TMEM156: variants seen among roughly 807,000 people sequenced by gnomAD.
The protein encoded by TMEM156 is transmembrane protein 156.
In TMEM156, 28 loss-of-function variants were observed where a neutral mutation model predicts 30.5. The ratio of observed to expected loss-of-function variants is 0.92; its 90% CI spans 0.68 to 1.26. The LOEUF (loss-of-function observed/expected upper bound fraction) is 1.26. Among genes scored for constraint, TMEM156 ranks in the 50% most tolerant of loss-of-function variants. TMEM156 has a pLI of 0.00. For missense variants in TMEM156, 351 were observed against 340.6 expected, an observed-to-expected ratio of 1.03 and a Z score of -0.24; for synonymous variants, 137 against 119.9, an observed-to-expected ratio of 1.14 and a Z score of -0.93.
At chr4:38,969,194 C>G (rs1722482998) in intron 6 of TMEM156, among the ~76,000 whole-genome samples, 1 of 152,146 alleles carries the variant, frequency 6.6e-6, no homozygotes, top group South Asian at 2.1e-4. Flanking sequence ...ACCCTTTAAC[C>G]CATTTCCCTT....
At chr4:38,989,886 A>G (rs1282510650) in intron 3 of TMEM156, among the ~76,000 whole-genome samples, 1 of 151,516 alleles carries the variant, frequency 6.6e-6, no homozygotes, top group Non-Finnish European at 1.5e-5. Flanking sequence ...CACAACCTCC[A>G]CTTCCCGGGT....
intron 1 of TMEM156, among the ~76,000 whole-genome samples, chr4:39,001,941 C>G (rs1713392672): frequency 7.0e-6 from 1 of 142,218 alleles, no homozygotes; most frequent in African/African-American, 2.5e-5. Flanking sequence ...TAGAAGAAAA[C>G]CTAGGCTTTA....
chr4:38,981,996 G>T (rs1346957345), intron 5 of TMEM156, among the ~76,000 whole-genome samples: 1 of 152,208 alleles, frequency 6.6e-6, no homozygotes, highest in Non-Finnish European at 1.5e-5. Flanking sequence ...GCGAAGTATT[G>T]TTCCTGGATG....
intron 1 of TMEM156, among the ~76,000 whole-genome samples, chr4:39,025,445 T>C (rs1383019547): frequency 6.6e-6 from 1 of 151,976 alleles, no homozygotes; most frequent in African/African-American, 2.4e-5. Flanking sequence ...GGCCAATCAT[T>C]GAAGGCTCTC....
intron 4 of TMEM156, among the ~76,000 whole-genome samples, chr4:38,988,586 G>T (rs1016331537): frequency 1.3e-5 from 2 of 152,024 alleles, no homozygotes; most frequent in Admixed American, 6.6e-5. Context: ...CCTCACTTCC[G>T]CTAAGCCCTG....
At chr4:38,974,917 C>T (rs1313715782) in intron 5 of TMEM156, among the ~76,000 whole-genome samples, 1 of 152,066 alleles carries the variant, frequency 6.6e-6, no homozygotes, top group Admixed American at 6.6e-5. Context: ...AGGTGAACCG[C>T]CCACCTCGGC....
chr4:38,997,508 A>C (rs1375978172), intron 2 of TMEM156, among the ~76,000 whole-genome samples: 1 of 152,346 alleles, frequency 6.6e-6, no homozygotes, highest in East Asian at 1.9e-4. Context: ...AATGCCAAGA[A>C]ATTATGTTCC....
At chr4:39,028,782 A>G (rs888993455) in intron 1 of TMEM156, among the ~76,000 whole-genome samples, 1 of 152,238 alleles carries the variant, frequency 6.6e-6, no homozygotes, top group Non-Finnish European at 1.5e-5. Flanking sequence ...TCCCTTTTGT[A>G]TCTCCATTAT....
intron 6 of TMEM156, among the ~76,000 whole-genome samples, chr4:38,970,198 G>A (rs1444121116): frequency 6.6e-6 from 1 of 151,776 alleles, no homozygotes; most frequent in Non-Finnish European, 1.5e-5. Context: ...CTCTGTCTCT[G>A]TCTCTCTGGG....
intron 5 of TMEM156, among the ~76,000 whole-genome samples, chr4:38,982,590 C>T (rs141867982): frequency 4.8e-4 from 73 of 152,148 alleles, no homozygotes; most frequent in African/African-American, 1.6e-3. Context: ...TGAGGGTTTG[C>T]GAGATTTAAT....
intron 3 of TMEM156, among the ~76,000 whole-genome samples, chr4:38,992,668 ATATATATAATATATTATATAATATAT>A (rs1184047410): frequency 0.29 from 30,193 of 105,868 alleles, 4,030 homozygotes; most frequent in East Asian, 0.55. Context: ...TGTGCTACAT[ATATATATAATATATTATATAATATAT>A]TATATAATAT....
intron 1 of TMEM156, among the ~76,000 whole-genome samples, chr4:39,023,845 C>T (rs1235962697): frequency 1.3e-5 from 2 of 151,862 alleles, no homozygotes; most frequent in African/African-American, 2.4e-5. Flanking sequence ...CAGAGTGAGA[C>T]TCCGTTTAAA....
At position 39,031,119 on chromosome 4, in the gene TMEM156, A is replaced by G. The variant is rs139747564; in HGVS notation, c.88+1107T>C. On this transcript the variant is annotated intron_variant, in intron 1 of 6. Coordinates refer to ENST00000381938, the MANE Select transcript of TMEM156 (RefSeq NM_024943.3). ...AAATATTCATTGCAGCAAATAATCA[A>G]ATATGAGTTTTTCTCTGATTTTAAT... Among the ~76,000 whole-genome samples, 366 of 152,368 alleles carry G rather than the reference A, an allele frequency of 2.4e-3. 1 individual carries two copies. The highest frequency in any genetic ancestry group is 8.1e-3 in the African/African-American group (338 of 41,592).
intron 1 of TMEM156, among the ~76,000 whole-genome samples, chr4:39,001,652 C>G (rs1713372545): frequency 6.7e-6 from 1 of 150,162 alleles, no homozygotes; most frequent in Non-Finnish European, 1.5e-5. Context: ...GCTACAGTAA[C>G]CAAAACAGCA....
intron 1 of TMEM156, among the ~76,000 whole-genome samples, chr4:39,012,870 G>A (rs1227618498): frequency 6.6e-6 from 1 of 152,028 alleles, no homozygotes; most frequent in African/African-American, 2.4e-5. Flanking sequence ...AACCAGGGAG[G>A]CAGACGTTGC....
At chr4:38,985,475 G>A (rs191660207) in intron 5 of TMEM156, among the ~76,000 whole-genome samples, 56 of 152,322 alleles carry the variant, frequency 3.7e-4, no homozygotes, top group African/African-American at 1.3e-3. Flanking sequence ...AAAGTCCCCA[G>A]TGAAATGCGG....
At chr4:39,020,899 C>G (rs529775057) in intron 1 of TMEM156, among the ~76,000 whole-genome samples, 2 of 152,156 alleles carry the variant, frequency 1.3e-5, no homozygotes, top group Non-Finnish European at 2.9e-5. Context: ...AATGGCTGTA[C>G]TATTTTACAT....
intron 1 of TMEM156, among the ~76,000 whole-genome samples, chr4:39,024,885 T>C: frequency 6.6e-6 from 1 of 152,244 alleles, no homozygotes; most frequent in East Asian, 1.9e-4. Context: ...AAAAACATAG[T>C]CGATTATTTC....
intron 3 of TMEM156, among the ~76,000 whole-genome samples, chr4:38,989,984 G>A (rs1712304382): frequency 6.6e-6 from 1 of 152,002 alleles, no homozygotes; most frequent in Admixed American, 6.6e-5. Context: ...TAGTAGAGAT[G>A]GGGTTTCACC....
Sources: allele counts gnomAD v4.1 joint callset (sites outside exome capture counted in the v4.1 genomes callset), GRCh38; gene constraint gnomAD v4.1.1; transcripts MANE v1.5; gene names NCBI Gene and HGNC (gene_info 2026-07-23, HGNC 2026-07-21).